IGFBP7: variants seen among roughly 807,000 people sequenced by gnomAD.
IGFBP7 encodes insulin like growth factor binding protein 7.
A neutral mutation model predicts 29.4 loss-of-function variants in IGFBP7; 31 were observed. That is an observed-to-expected ratio of 1.05 (90% CI 0.79 to 1.42). The LOEUF (loss-of-function observed/expected upper bound fraction) is 1.42. IGFBP7 is among the 40% of genes most tolerant of loss of function. The pLI, the probability that IGFBP7 is intolerant of heterozygous loss-of-function variation, is 0.00. For missense variants in IGFBP7, 393 were observed against 395.5 expected (o/e 0.99, Z 0.05); for synonymous variants, 172 against 174.9 (o/e 0.98, Z 0.13).
chr4:57,062,848 C>G (rs974797110), intron 1 of IGFBP7, among the ~76,000 whole-genome samples: 7 of 152,206 alleles, frequency 4.6e-5, no homozygotes, highest in African/African-American at 1.7e-4. Flanking sequence ...TGTTTTCTCT[C>G]TGGGATTTGA....
chr4:57,097,404 G>T (rs544604322), intron 1 of IGFBP7, among the ~76,000 whole-genome samples: 1 of 152,166 alleles, frequency 6.6e-6, no homozygotes, highest in Admixed American at 6.5e-5. Context: ...AAGTTTCCAC[G>T]AATTTTCTTT....
chr4:57,103,660 C>CTTTTTTTTTTTTTTTTT (rs59173874), intron 1 of IGFBP7, among the ~76,000 whole-genome samples: 2 of 86,478 alleles, frequency 2.3e-5, no homozygotes, highest in Non-Finnish European at 4.1e-5. Context: ...TTTTTCTTTT[C>CTTTTTTTTTTTTTTTTT]TTTTTTTTTT....
chr4:57,030,855 C>T lies in IGFBP7; in HGVS notation c.*462G>A. On this transcript the variant is annotated 3_prime_UTR_variant, in exon 5 of 5. Transcript: ENST00000295666. ...TTTCTGGGGTAGAGAAGTGGGGTCACTTCAATACAATTCTGCTAATTACCA... is the reference window on the plus strand; with the variant it reads ...TTTCTGGGGTAGAGAAGTGGGGTCATTTCAATACAATTCTGCTAATTACCA... The T allele has an allele frequency of 8.6e-7, 1 of 1,159,962 alleles. No homozygotes were observed. Among genetic ancestry groups the T allele is most frequent in the Non-Finnish European group, 1.3e-6 (1 of 766,254 alleles). 71.9% of individuals were successfully genotyped at this position (1,159,962 alleles called of 1,614,324 possible). A position where few individuals can be genotyped will look rare whatever the true frequency, so the allele number is the denominator to read the frequency against.
intron 1 of IGFBP7, among the ~76,000 whole-genome samples, chr4:57,063,590 T>C (rs983222381): frequency 1.3e-5 from 2 of 152,232 alleles, no homozygotes; most frequent in African/African-American, 4.8e-5. Context: ...TTCAGGGGAC[T>C]CTGGACTATG....
chr4:57,095,867 G>A (rs1334992772), intron 1 of IGFBP7, among the ~76,000 whole-genome samples: 1 of 152,156 alleles, frequency 6.6e-6, no homozygotes, highest in Non-Finnish European at 1.5e-5. Flanking sequence ...GATGACAGAG[G>A]TGGGCTTCCA....
intron 1 of IGFBP7, among the ~76,000 whole-genome samples, chr4:57,087,384 T>C (rs1111627): frequency 0.9 from 137,029 of 152,268 alleles, 62,113 homozygotes; most frequent in South Asian, 0.98. Flanking sequence ...ACCCAACTAA[T>C]GAAGGGCAGG....
intron 1 of IGFBP7, among the ~76,000 whole-genome samples, chr4:57,107,951 T>G (rs1274932766): frequency 6.6e-6 from 1 of 152,186 alleles, no homozygotes; most frequent in African/African-American, 2.4e-5. Flanking sequence ...ACTTGAACAA[T>G]CACCAAGCTA....
At chr4:57,044,896 GAC>G (rs1724321192) in intron 1 of IGFBP7, among the ~76,000 whole-genome samples, 1 of 152,096 alleles carries the variant, frequency 6.6e-6, no homozygotes, top group South Asian at 2.1e-4. Flanking sequence ...TTTTTGTAGA[GAC>G]AGAGTCTTGC....
At chr4:57,045,714 C>T (rs1724342299) in intron 1 of IGFBP7, among the ~76,000 whole-genome samples, 1 of 150,312 alleles carries the variant, frequency 6.7e-6, no homozygotes, top group South Asian at 2.1e-4. Context: ...CCAGAATATG[C>T]AGAGGGAATG....
At chr4:57,054,071 G>A (rs1724581236) in intron 1 of IGFBP7, among the ~76,000 whole-genome samples, 1 of 151,974 alleles carries the variant, frequency 6.6e-6, no homozygotes. Context: ...TGGACTCCCA[G>A]GAGTCCAAGC....
chr4:57,075,172 T>G (rs1725191524), intron 1 of IGFBP7, among the ~76,000 whole-genome samples: 1 of 152,234 alleles, frequency 6.6e-6, no homozygotes, highest in Admixed American at 6.5e-5. Context: ...AAAATGAGTA[T>G]AGCTTTGGAA....
chr4:57,049,331 T>A (rs11941013), intron 1 of IGFBP7, among the ~76,000 whole-genome samples: 14,296 of 152,158 alleles, frequency 0.094, 813 homozygotes, highest in African/African-American at 0.15. Context: ...TATCATATTG[T>A]ACTATATATT....
intron 1 of IGFBP7, among the ~76,000 whole-genome samples, chr4:57,100,926 A>T (rs1725883226): frequency 6.6e-6 from 1 of 152,224 alleles, no homozygotes; most frequent in African/African-American, 2.4e-5. Flanking sequence ...TTGGGATAAC[A>T]ATTCCCCTTA....
intron 1 of IGFBP7, among the ~76,000 whole-genome samples, chr4:57,053,818 A>AT (rs5858409): frequency 0.24 from 35,866 of 151,808 alleles, 4,529 homozygotes; most frequent in East Asian, 0.34. Context: ...TCCACATCTC[A>AT]TGGGCCTGTC....
Position 57,031,016 on chromosome 4 carries a change from TAA to T in IGFBP7, c.*299_*300del, listed in dbSNP as rs1281362642. The stretch of plus-strand genomic sequence containing the variant: ...ATTTTACAGGAGTCAACAAGATAAT[TAA>T]ATATCTTGGTGTCTTGTTTCTATTG... On this transcript the variant is annotated 3_prime_UTR_variant, in exon 5 of 5. Coordinates refer to ENST00000295666, the MANE Select transcript of IGFBP7 (RefSeq NM_001553.3). 3 of 1,296,336 alleles carry T rather than the reference TAA, an allele frequency of 2.3e-6. No homozygotes were observed. 80.3% of individuals were successfully genotyped at this position (1,296,336 alleles called of 1,614,324 possible).
In IGFBP7 at chr4:57,067,492, G is replaced by C. The variant is rs562166451; in HGVS notation, c.476-26559C>G. On this transcript the variant is annotated intron_variant, in intron 1 of 4. Coordinates refer to ENST00000295666, the MANE Select transcript of IGFBP7 (RefSeq NM_001553.3). Reference sequence around the variant, plus strand: ...ATTCCATTTGTATGAGGTATCTAAAGTATTTAAACTTATAGAAGCAGACAC... The same window carrying C: ...ATTCCATTTGTATGAGGTATCTAAACTATTTAAACTTATAGAAGCAGACAC... 2.0e-5 allele frequency among the ~76,000 whole-genome samples: 3 copies of C among 152,324 alleles called. No individual in the cohort carries two copies. In the East Asian group the frequency reaches 5.8e-4, roughly 29 times the overall value.
At chr4:57,072,752 C>T in intron 1 of IGFBP7, 2 of 501,944 alleles carry the variant, frequency 4.0e-6, no homozygotes, top group South Asian at 3.1e-5. Flanking sequence ...TTCTGCCTTG[C>T]CTGAATCAGG....
chr4:57,032,526 A>T lies in IGFBP7; in HGVS notation c.729T>A (p.Ala243=). The change falls in exon 4 of 5, where the codon GCT becomes GCA. Residue 243 remains alanine (A), a synonymous_variant. Coordinates refer to ENST00000295666, the MANE Select transcript of IGFBP7 (RefSeq NM_001553.3). ...VLVSPLSKED[A]GEYECHASNS... ...TGGATGCATGGCACTCATATTCTCCAGCATCTTCCTTACTTAGAGGAGATA... is the reference window on the plus strand; with the variant it reads ...TGGATGCATGGCACTCATATTCTCCTGCATCTTCCTTACTTAGAGGAGATA... 6.2e-7 allele frequency: 1 copy of T among 1,614,028 alleles called. No individual in the cohort carries two copies. The highest frequency in any genetic ancestry group is 8.5e-7 in the Non-Finnish European group (1 of 1,179,892).
intron 1 of IGFBP7, among the ~76,000 whole-genome samples, chr4:57,084,791 T>TG (rs1725457703): frequency 6.9e-6 from 1 of 145,398 alleles, no homozygotes; most frequent in East Asian, 2.0e-4. Context: ...AAAAAAGGTT[T>TG]TTTTTTTTTT....
Sources: allele counts gnomAD v4.1 joint callset (sites outside exome capture counted in the v4.1 genomes callset), GRCh38; gene constraint gnomAD v4.1.1; transcripts MANE v1.5; gene names NCBI Gene and HGNC (gene_info 2026-07-23, HGNC 2026-07-21).